MNAT1: variants seen among roughly 807,000 people sequenced by gnomAD.
MNAT1 encodes MNAT1 component of CDK activating kinase.
Under a neutral mutation model 42.0 loss-of-function variants are expected in MNAT1, and 43 were observed. The observed-to-expected ratio is 1.02, with a 90% CI of 0.80 to 1.32. The LOEUF (loss-of-function observed/expected upper bound fraction) is 1.32. Ranked by LOEUF, MNAT1 falls within the 40% of genes most tolerant of loss-of-function variation. The pLI is 0.00. For missense variants in MNAT1, 306 were observed against 350.4 expected, an observed-to-expected ratio of 0.87 and a Z score of 1.01; for synonymous variants, 118 against 120.0, an observed-to-expected ratio of 0.98 and a Z score of 0.11.
intron 1 of MNAT1, among the ~76,000 whole-genome samples, chr14:60,758,913 A>G (rs1262104790): frequency 1.3e-5 from 2 of 152,134 alleles, no homozygotes; most frequent in Non-Finnish European, 2.9e-5. Flanking sequence ...TTTTTATCTC[A>G]TACCCCTAAC....
intron 7 of MNAT1, among the ~76,000 whole-genome samples, chr14:60,924,902 A>T (rs1377185600): frequency 3.3e-5 from 5 of 152,246 alleles, no homozygotes; most frequent in Non-Finnish European, 7.3e-5. Flanking sequence ...TAAATAGTGG[A>T]ATGATATCTG....
intron 6 of MNAT1, among the ~76,000 whole-genome samples, chr14:60,845,988 T>C (rs1464711605): frequency 6.6e-6 from 1 of 152,118 alleles, no homozygotes; most frequent in East Asian, 1.9e-4. Flanking sequence ...AATTTACCAG[T>C]GAACCATCTG....
rs537767386 is a variant in MNAT1 at position 60,771,375 on chromosome 14, C to T, written c.90-24842C>T. ...ATGCCTGTATAAGGTGAGAATTTGT[C>T]CACTTTTTACTCTCCCTTCTGTTAC... On this transcript the variant is annotated intron_variant, in intron 1 of 7. Coordinates refer to ENST00000261245, the MANE Select transcript of MNAT1 (RefSeq NM_002431.4). 2.0e-5 allele frequency among the ~76,000 whole-genome samples: 3 copies of T among 152,154 alleles called. No homozygotes were observed. In the East Asian group the frequency reaches 5.8e-4, roughly 29 times the overall value.
intron 6 of MNAT1, among the ~76,000 whole-genome samples, chr14:60,835,773 T>C (rs2033373900): frequency 2.0e-5 from 3 of 152,210 alleles, no homozygotes; most frequent in African/African-American, 7.2e-5. Flanking sequence ...AATTTGAATG[T>C]TGGCCTGCCT....
chr14:60,746,921 TATACAC>T (rs1432332347), intron 1 of MNAT1, among the ~76,000 whole-genome samples: 10 of 41,596 alleles, frequency 2.4e-4, no homozygotes, highest in African/African-American at 1.1e-3. Context: ...TATATATATA[TATACAC>T]ACACACACAC....
intron 7 of MNAT1, among the ~76,000 whole-genome samples, chr14:60,884,951 C>A (rs2034630531): frequency 6.6e-6 from 1 of 152,016 alleles, no homozygotes; most frequent in East Asian, 1.9e-4. Flanking sequence ...TTCATGTTTG[C>A]AGAACATTTT....
At chr14:60,779,514 C>T (rs74385027) in intron 1 of MNAT1, among the ~76,000 whole-genome samples, 3,883 of 152,148 alleles carry the variant, frequency 0.026, 131 homozygotes, top group East Asian at 0.11. Context: ...TCCGGCTGGG[C>T]GCGGTGGCCC....
intron 1 of MNAT1, among the ~76,000 whole-genome samples, chr14:60,762,939 T>A (rs1310202372): frequency 6.6e-6 from 1 of 152,164 alleles, no homozygotes. Flanking sequence ...GTTTATCAGT[T>A]GTTGTACAGA....
intron 3 of MNAT1, among the ~76,000 whole-genome samples, chr14:60,802,421 A>G (rs2032233217): frequency 6.6e-6 from 1 of 152,212 alleles, no homozygotes; most frequent in Non-Finnish European, 1.5e-5. Context: ...ACATATATCA[A>G]AACATCACAT....
At chr14:60,913,529 T>C (rs1430121800) in intron 7 of MNAT1, among the ~76,000 whole-genome samples, 2 of 152,204 alleles carry the variant, frequency 1.3e-5, no homozygotes, top group Non-Finnish European at 2.9e-5. Context: ...TTCTGTTTTT[T>C]AGTTTTCCTT....
At chr14:60,914,267 G>A (rs113628741) in intron 7 of MNAT1, among the ~76,000 whole-genome samples, 1,743 of 152,326 alleles carry the variant, frequency 0.011, 19 homozygotes, top group Admixed American at 0.014. Context: ...GACCCCTTGC[G>A]CTTCCCGGGT....
At chr14:60,937,739 T>G (rs2036034745) in intron 7 of MNAT1, among the ~76,000 whole-genome samples, 1 of 152,040 alleles carries the variant, frequency 6.6e-6, no homozygotes, top group Non-Finnish European at 1.5e-5. Context: ...ATATGAACTT[T>G]AAAGTAGTTT....
intron 7 of MNAT1, among the ~76,000 whole-genome samples, chr14:60,896,711 T>C (rs1168331198): frequency 6.6e-6 from 1 of 150,530 alleles, no homozygotes; most frequent in Non-Finnish European, 1.5e-5. Context: ...GGTCTCGAAC[T>C]CTGACCCCAC....
intron 6 of MNAT1, among the ~76,000 whole-genome samples, chr14:60,839,854 C>T (rs2033496615): frequency 1.3e-5 from 2 of 152,228 alleles, no homozygotes; most frequent in African/African-American, 4.8e-5. Context: ...GCGCTCTTGC[C>T]AGACCCTGCA....
At chr14:60,827,345 G>A (rs561594913) in intron 6 of MNAT1, among the ~76,000 whole-genome samples, 5 of 152,124 alleles carry the variant, frequency 3.3e-5, no homozygotes, top group Non-Finnish European at 7.4e-5. Context: ...GAAGGGAGCA[G>A]AGTACTCATT....
chr14:60,793,875 GTTAAAA>G (rs947811412), intron 1 of MNAT1, among the ~76,000 whole-genome samples: 3 of 151,770 alleles, frequency 2.0e-5, no homozygotes, highest in Non-Finnish European at 4.4e-5. Flanking sequence ...TCTTTTCACA[GTTAAAA>G]TTAGAAATGG....
intron 7 of MNAT1, among the ~76,000 whole-genome samples, chr14:60,964,612 G>A (rs1344281265): frequency 6.6e-6 from 1 of 152,116 alleles, no homozygotes; most frequent in African/African-American, 2.4e-5. Context: ...AGTGTCATGG[G>A]ATTGGCTAAA....
chr14:60,893,604 A>T (rs1417401183), intron 7 of MNAT1, among the ~76,000 whole-genome samples: 1 of 151,920 alleles, frequency 6.6e-6, no homozygotes, highest in Admixed American at 6.6e-5. Flanking sequence ...CTGTATTTTG[A>T]TCTTGGTTTT....
intron 6 of MNAT1, among the ~76,000 whole-genome samples, chr14:60,837,770 T>C (rs2139395435): frequency 6.6e-6 from 1 of 152,354 alleles, no homozygotes; most frequent in South Asian, 2.1e-4. Flanking sequence ...TGTTTCCTTT[T>C]GGTCTCAGAG....
Sources: allele counts gnomAD v4.1 joint callset (sites outside exome capture counted in the v4.1 genomes callset), GRCh38; gene constraint gnomAD v4.1.1; transcripts MANE v1.5; gene names NCBI Gene and HGNC (gene_info 2026-07-23, HGNC 2026-07-21).